Variants in AZIN2 observed in about 807,000 individuals in gnomAD.
AZIN2 encodes the protein antizyme inhibitor 2.
A neutral mutation model predicts 47.8 loss-of-function variants in AZIN2; 28 were observed. That is an observed-to-expected ratio of 0.59 (90% CI 0.43 to 0.80). AZIN2 has a LOEUF of 0.80. AZIN2 is among the 30% of genes least tolerant of loss of function. The pLI, the probability that AZIN2 is intolerant of heterozygous loss-of-function variation, is 0.00. For synonymous variants in AZIN2, 221 were observed against 239.4 expected (o/e 0.92, Z 0.71); for missense variants, 535 against 582.5 (o/e 0.92, Z 0.84).
At chr1:33,092,788 G>A (rs567874797) in intron 6 of AZIN2, among the ~76,000 whole-genome samples, 1 of 152,262 alleles carries the variant, frequency 6.6e-6, no homozygotes, top group African/African-American at 2.4e-5. Flanking sequence ...ATGGACTTTC[G>A]AAGGGGTCAG....
chr1:33,158,480 G>A, the AZIN2 span: 2 of 772,790 alleles, frequency 2.6e-6, no homozygotes, highest in Non-Finnish European at 2.2e-6. Flanking sequence ...TCATGAGTGA[G>A]AAGTCTGTGG....
intron 5 of AZIN2, 27 bp downstream of exon 5, chr1:33,084,154 A>T: frequency 6.2e-7 from 1 of 1,602,888 alleles, no homozygotes; most frequent in Non-Finnish European, 8.5e-7. Context: ...CGGTGCACTG[A>T]CCCTCCATGC....
downstream of AZIN2, among the ~76,000 whole-genome samples, chr1:33,127,587 G>C (rs1296208649): frequency 6.6e-6 from 1 of 152,166 alleles, no homozygotes; most frequent in Non-Finnish European, 1.5e-5. Context: ...AAAAGGCCCA[G>C]GGTAACACCG....
At chr1:33,149,454 C>CT in the AZIN2 span, among the ~76,000 whole-genome samples, 6 of 134,836 alleles carry the variant, frequency 4.4e-5, no homozygotes, top group South Asian at 2.6e-4. Context: ...GTGCTGGATT[C>CT]TTTTAAAAAA....
chr1:33,097,162 G>C (rs1023197051), intron 9 of AZIN2, among the ~76,000 whole-genome samples: 3 of 152,116 alleles, frequency 2.0e-5, no homozygotes, highest in African/African-American at 7.2e-5. Context: ...GAACCAAAGA[G>C]AATACAAGTG....
At position 33,120,496 on chromosome 1, in the gene AZIN2, G is replaced by T; in HGVS notation, c.*314G>T. ...TCCTTCCCACCTTTGTAAATATAAT[G>T]CAAATAAATAAATATTTAGGTTTTT... On this transcript the variant is annotated 3_prime_UTR_variant, in exon 12 of 12. Transcript: ENST00000294517. 1 of 289,148 alleles carries T rather than the reference G, an allele frequency of 3.5e-6. No individual in the cohort carries two copies. The highest frequency in any genetic ancestry group is 6.5e-6 in the Non-Finnish European group (1 of 154,480). The allele number at this position is 289,148 out of a possible 1,614,324, so 17.9% of individuals were successfully genotyped here.
At chr1:33,158,297 AG>A in the AZIN2 span, 1 of 1,614,062 alleles carries the variant, frequency 6.2e-7, no homozygotes, top group Non-Finnish European at 8.5e-7. Context: ...GGTGTACTGC[AG>A]GGGGCCTGTG....
the AZIN2 span, among the ~76,000 whole-genome samples, chr1:33,150,869 G>A: frequency 3.3e-5 from 5 of 152,170 alleles, no homozygotes; most frequent in African/African-American, 1.2e-4. Flanking sequence ...GACAGTGGAG[G>A]GGCAGAAGAG....
At chr1:33,101,585 C>T (rs1047834159) in intron 10 of AZIN2, among the ~76,000 whole-genome samples, 4 of 149,564 alleles carry the variant, frequency 2.7e-5, no homozygotes, top group Non-Finnish European at 5.9e-5. Flanking sequence ...CATGGGAGAT[C>T]TTGTCTTTGT....
intron 8 of AZIN2, 77 bp downstream of exon 8, chr1:33,094,790 A>G (rs2124536893): frequency 6.6e-7 from 1 of 1,523,164 alleles, no homozygotes; most frequent in Non-Finnish European, 9.0e-7. Flanking sequence ...TCGGAGGGAG[A>G]CCACCGTGCG....
At chr1:33,092,630 G>A (rs1383393781) in intron 6 of AZIN2, among the ~76,000 whole-genome samples, 1 of 152,020 alleles carries the variant, frequency 6.6e-6, no homozygotes, top group Non-Finnish European at 1.5e-5. Context: ...AATTTGGAGG[G>A]GGCATAAATA....
At chr1:33,149,442 C>G in the AZIN2 span, among the ~76,000 whole-genome samples, 1 of 149,516 alleles carries the variant, frequency 6.7e-6, no homozygotes, top group Non-Finnish European at 1.5e-5. Context: ...GCATGAGCCA[C>G]TGTGCTGGAT....
At chr1:33,103,872 G>A (rs1212320092) in intron 10 of AZIN2, among the ~76,000 whole-genome samples, 1 of 151,764 alleles carries the variant, frequency 6.6e-6, no homozygotes, top group Non-Finnish European at 1.5e-5. Flanking sequence ...GTATATGTTG[G>A]AATTAAATAG....
At chr1:33,094,066 G>A (rs568209090) in intron 7 of AZIN2, among the ~76,000 whole-genome samples, 1 of 152,182 alleles carries the variant, frequency 6.6e-6, no homozygotes, top group African/African-American at 2.4e-5. Flanking sequence ...TATGGAAGGA[G>A]TAATAATGAA....
At chr1:33,134,978 TC>T in the AZIN2 span, among the ~76,000 whole-genome samples, 1 of 152,134 alleles carries the variant, frequency 6.6e-6, no homozygotes, top group Non-Finnish European at 1.5e-5. Context: ...ATGACCACCC[TC>T]CTTCCCTGAT....
At position 33,094,559 on chromosome 1, in the gene AZIN2, G is replaced by T; in HGVS notation, c.599G>T (p.Gly200Val). ...TCCTCTCTTCCCAGTTTTCACATTG[G>T]CAGTGGCTGTCCTGACCCTCAGGCC... Reference protein sequence around the residue: ...VEVVGVSFHIGSGCPDPQAYA... With the variant: ...VEVVGVSFHIVSGCPDPQAYA... The change falls in exon 8 of 12, where the codon GGC (glycine) becomes GTC (valine). Residue 200 changes from glycine (G) to valine (V), a missense_variant. Gly to Val is a moderately radical substitution (Grantham distance 109). Around this residue, in one of 3 missense-constraint regions of AZIN2, gnomAD observed 409 missense variants for 429.0 expected, o/e 0.95. Transcript: ENST00000294517. The T allele has an allele frequency of 1.2e-6, 2 of 1,610,592 alleles. No homozygotes were observed. The highest frequency in any genetic ancestry group is 1.7e-6 in the Non-Finnish European group (2 of 1,177,128).
chr1:33,155,212 C>T, the AZIN2 span, among the ~76,000 whole-genome samples: 48 of 151,792 alleles, frequency 3.2e-4, no homozygotes, highest in Admixed American at 2.5e-3. Flanking sequence ...ATTGGGATTA[C>T]AGGCGTGTAC....
At chr1:33,097,943 C>A in intron 9 of AZIN2, 124 bp from the exon 10 acceptor site, 1 of 669,438 alleles carries the variant, frequency 1.5e-6, no homozygotes, top group Non-Finnish European at 2.7e-6. Flanking sequence ...TGTTGTAGGC[C>A]TCGCCTCATG....
intron 10 of AZIN2, among the ~76,000 whole-genome samples, chr1:33,109,950 G>A (rs1644213708): frequency 6.6e-6 from 1 of 152,170 alleles, no homozygotes; most frequent in Non-Finnish European, 1.5e-5. Context: ...CTGAATCATG[G>A]TAGCATTGAC....
Sources: gnomAD v4.1 joint callset for allele counts (sites outside exome capture counted in the v4.1 genomes callset) on GRCh38, gnomAD v4.1.1 for gene constraint, gnomAD v4.1.1 regional missense constraint, MANE v1.5 for transcripts, NCBI Gene and HGNC (gene_info 2026-07-23, HGNC 2026-07-21) for gene names.